The following TMEM237 variants were observed in gnomAD, a reference collection of about 807,000 sequenced individuals.
TMEM237 encodes the protein transmembrane protein 237.
In TMEM237, 51 loss-of-function variants were observed where a neutral mutation model predicts 59.1. The ratio of observed to expected loss-of-function variants is 0.86; its 90% CI spans 0.69 to 1.09. The LOEUF (loss-of-function observed/expected upper bound fraction) is 1.09. Ranked by LOEUF, TMEM237 falls within the 50% of genes least tolerant of loss-of-function variation. The pLI is 0.00. For synonymous variants in TMEM237, 140 were observed against 166.1 expected, an observed-to-expected ratio of 0.84 and a Z score of 1.21; for missense variants, 475 against 478.3, an observed-to-expected ratio of 0.99 and a Z score of 0.06.
Position 201,639,011 on chromosome 2 carries a change from CT to C in TMEM237, c.113del (p.Lys38SerfsTer108). 1 of 1,583,930 alleles carries C rather than the reference CT, an allele frequency of 6.3e-7. No homozygotes were observed. Among genetic ancestry groups the C allele is most frequent in the Non-Finnish European group, 8.6e-7 (1 of 1,164,000 alleles). The stretch of plus-strand genomic sequence containing the variant: ...TACCTGGTGTGTTTTTTGTTCTGGG[CT>C]TCTTTTTCTTAGGACGACTAAGTGG... ...DIPLSRPKKK[K>X]PRTKNTPASA... On this transcript the variant is annotated frameshift_variant, in exon 4 of 13. Coordinates refer to ENST00000409883, the MANE Select transcript of TMEM237 (RefSeq NM_001044385.3). LOFTEE classifies it high-confidence loss of function.
intron 8 of TMEM237, 43 bp from the exon 9 acceptor site, chr2:201,629,464 G>A (rs1957789534): frequency 1.4e-6 from 2 of 1,453,000 alleles, no homozygotes; most frequent in South Asian, 3.1e-5. Flanking sequence ...AATTACTAAA[G>A]TAAAAAGCTA....
At chr2:201,625,951 C>T in intron 12 of TMEM237, 75 bp downstream of exon 12, 1 of 1,376,150 alleles carries the variant, frequency 7.3e-7, no homozygotes, top group Admixed American at 2.3e-5. Context: ...ATAAGCTATA[C>T]CTATTAAAAG....
intron 7 of TMEM237, among the ~76,000 whole-genome samples, chr2:201,630,229 T>C (rs1183444023): frequency 3.3e-5 from 5 of 152,216 alleles, no homozygotes; most frequent in South Asian, 2.1e-4. Context: ...TTAAAGTTTA[T>C]ATGCCTATAC....
In TMEM237 at chr2:201,636,779, T is replaced by C; in HGVS notation, c.243A>G (p.Gln81=). ...GTAGCCTTGTCTTTTTCTGTCTTCT[T>C]TGAACAGGAGCCTCTGGGTGCTCTT... The part of the protein sequence containing the change: ...ELKEHPEAPV[Q]RRQKKTRLPL... The change falls in exon 5 of 13, where the codon CAA becomes CAG. Residue 81 remains glutamine, a synonymous_variant. Transcript: ENST00000409883. The C allele has an allele frequency of 2.5e-6, 4 of 1,583,926 alleles. No individual in the cohort carries two copies. The highest frequency in any genetic ancestry group is 2.7e-5 in the African/African-American group (2 of 74,720).
intron 6 of TMEM237, 59 bp from the exon 7 acceptor site, chr2:201,632,267 A>C (rs1173243854): frequency 1.9e-6 from 3 of 1,574,746 alleles, no homozygotes; most frequent in Non-Finnish European, 2.6e-6. Flanking sequence ...ACAGACTTAC[A>C]TAAGGAACTA....
chr2:201,626,534 GAAAAAAAAAAAA>G (rs751155005), intron 11 of TMEM237, among the ~76,000 whole-genome samples: 1 of 96,030 alleles, frequency 1.0e-5, no homozygotes, highest in Non-Finnish European at 2.0e-5. Flanking sequence ...AGCATTTGGG[GAAAAAAAAAAAA>G]AAAAAAAAAA....
At chr2:201,634,803 C>A in intron 5 of TMEM237, 1 of 380,694 alleles carries the variant, frequency 2.6e-6, no homozygotes, top group Non-Finnish European at 5.5e-6. Context: ...CTTCAACTTG[C>A]CTTCCAAAAT....
Position 201,636,887 on chromosome 2 carries a change from T to A in TMEM237, c.137-2A>T. 6.3e-7 allele frequency: 1 copy of A among 1,597,296 alleles called. No individual in the cohort carries two copies. The highest frequency in any genetic ancestry group is 1.1e-5 in the South Asian group (1 of 88,118). On this transcript the variant is annotated splice_acceptor_variant, in intron 4 of 12. Transcript: ENST00000409883. LOFTEE classifies it high-confidence loss of function. Reference sequence around the variant, plus strand: ...CAAGGCCTTCCAAAGAAGCACTTGCTATAGAAAAACAGAGTAGAAAAAAAT... The same window carrying A: ...CAAGGCCTTCCAAAGAAGCACTTGCAATAGAAAAACAGAGTAGAAAAAAAT...
At chr2:201,626,884 C>T (rs1191362549) in intron 11 of TMEM237, among the ~76,000 whole-genome samples, 2 of 152,164 alleles carry the variant, frequency 1.3e-5, no homozygotes, top group African/African-American at 2.4e-5. Flanking sequence ...AAGTTCAAGA[C>T]CAGCCTGGCC....
chr2:201,626,698 C>T (rs1957761782), intron 11 of TMEM237, among the ~76,000 whole-genome samples: 1 of 152,202 alleles, frequency 6.6e-6, no homozygotes, highest in African/African-American at 2.4e-5. Flanking sequence ...CCCAGCTACT[C>T]ACTCCCATCA....
intron 1 of TMEM237, chr2:201,642,875 G>C: frequency 7.5e-7 from 1 of 1,335,836 alleles, no homozygotes; most frequent in East Asian, 3.1e-5. Flanking sequence ...CAGAAATCTG[G>C]CGACCGTGGC....
rs1957707297 is a variant in TMEM237 at position 201,621,474 on chromosome 2, C to T, written c.*2781G>A. The T allele has an allele frequency of 6.6e-6, 1 of 152,154 alleles. No individual in the cohort carries two copies. The highest frequency in any genetic ancestry group is 2.1e-4 in the South Asian group (1 of 4,826). 9.4% of individuals were successfully genotyped at this position (152,154 alleles called of 1,614,324 possible). A position where few individuals can be genotyped will look rare whatever the true frequency, so the allele number is the denominator to read the frequency against. On this transcript the variant is annotated 3_prime_UTR_variant, in exon 13 of 13. Transcript: ENST00000409883. ...CACAGACTGGAATGAGCCCAGATAT[C>T]CTTCAATAGGTCAATGAGTTAAACC...
At chr2:201,636,651 A>G in intron 5 of TMEM237, 97 bp downstream of exon 5, 2 of 1,380,776 alleles carry the variant, frequency 1.4e-6, no homozygotes, top group South Asian at 1.3e-5. Context: ...CACCTGTGGG[A>G]TATGGATAGG....
rs1401718468 is a variant in TMEM237, at chr2:201,621,090, A to C, written c.*3165T>G. 2 of 152,260 alleles carry C rather than the reference A, an allele frequency of 1.3e-5. No individual in the cohort carries two copies. The highest frequency in any genetic ancestry group is 2.9e-5 in the Non-Finnish European group (2 of 68,056). The allele number at this position is 152,260 out of a possible 1,614,324, so 9.4% of individuals were successfully genotyped here. On this transcript the variant is annotated 3_prime_UTR_variant, in exon 13 of 13. Coordinates refer to ENST00000409883, the MANE Select transcript of TMEM237 (RefSeq NM_001044385.3). ...TCTGTTCTTAGGGTTCATGTTATGC[A>C]ACATAAAGTACACAGCATCACAGAT...
intron 1 of TMEM237, among the ~76,000 whole-genome samples, chr2:201,641,689 G>C (rs1193649774): frequency 6.7e-6 from 1 of 148,748 alleles, no homozygotes; most frequent in Non-Finnish European, 1.5e-5. Context: ...GACATATCTT[G>C]TATACATATC....
intron 1 of TMEM237, chr2:201,642,735 T>C (rs1687452964): frequency 1.3e-6 from 2 of 1,506,124 alleles, no homozygotes; most frequent in Admixed American, 2.4e-5. Flanking sequence ...CCGCGCCGCC[T>C]GGCTAGTACC....
At chr2:201,637,743 TCAA>T (rs1687329154) in intron 4 of TMEM237, among the ~76,000 whole-genome samples, 1 of 111,456 alleles carries the variant, frequency 9.0e-6, no homozygotes. Flanking sequence ...AGACTCCGTC[TCAA>T]AAAAAAAAAA....
Position 201,621,261 on chromosome 2 carries a change from CA to C in TMEM237, c.*2993del, listed in dbSNP as rs1437818521. ...AAAATGTAGGTGAGGCACTCTAAAG[CA>C]ACTAGCTTGGACTCTTCAAAAAATT... On this transcript the variant is annotated 3_prime_UTR_variant, in exon 13 of 13. Transcript: ENST00000409883. The C allele has an allele frequency of 6.6e-6, 1 of 152,136 alleles. No individual in the cohort carries two copies. The allele number at this position is 152,136 out of a possible 1,614,324, so 9.4% of individuals were successfully genotyped here.
chr2:201,627,093 ACT>A (rs1209722560), intron 11 of TMEM237, among the ~76,000 whole-genome samples: 39 of 150,058 alleles, frequency 2.6e-4, no homozygotes, highest in African/African-American at 8.8e-4. Flanking sequence ...AAAAAAAAAA[ACT>A]ATAACTTGAA....
Sources: allele counts gnomAD v4.1 joint callset (sites outside exome capture counted in the v4.1 genomes callset), GRCh38; gene constraint gnomAD v4.1.1; transcripts MANE v1.5; gene names NCBI Gene and HGNC (gene_info 2026-07-23, HGNC 2026-07-21).